The following SLC4A7 variants were observed in gnomAD, a reference collection of about 807,000 sequenced individuals.
SLC4A7 encodes solute carrier family 4 member 7.
Under a neutral mutation model 137.6 loss-of-function variants are expected in SLC4A7, and 51 were observed. That is an observed-to-expected ratio of 0.37 (90% CI 0.30 to 0.47). SLC4A7 has a LOEUF of 0.47. Ranked by LOEUF, SLC4A7 falls within the 20% of genes least tolerant of loss-of-function variation. SLC4A7 has a pLI of 1.00. For synonymous variants in SLC4A7, 542 were observed against 518.6 expected (o/e 1.05, Z -0.61); for missense variants, 1,247 against 1,525.4 (o/e 0.82, Z 3.04).
chr3:27,422,557 C>T (rs1295334109), intron 8 of SLC4A7, among the ~76,000 whole-genome samples: 2 of 152,172 alleles, frequency 1.3e-5, no homozygotes, highest in Admixed American at 1.3e-4. Context: ...GCATGAATTA[C>T]TATGCCTGGC....
At chr3:27,421,865 G>A in intron 8 of SLC4A7, 86 bp from the exon 9 acceptor site, 1 of 945,266 alleles carries the variant, frequency 1.1e-6, no homozygotes, top group Non-Finnish European at 1.6e-6. Context: ...TGCTTTATAA[G>A]ACTACTATTT....
intron 11 of SLC4A7, among the ~76,000 whole-genome samples, chr3:27,416,980 A>ATT (rs1412336175): frequency 3.3e-5 from 5 of 152,194 alleles, no homozygotes; most frequent in Non-Finnish European, 7.3e-5. Context: ...TAGAAAGCTG[A>ATT]TTTTAAAGCC....
chr3:27,379,292 A>G lies in SLC4A7; in HGVS notation c.3655T>C (p.Ser1219Pro), dbSNP rs764970063. The G allele has an allele frequency of 1.3e-6, 2 of 1,535,596 alleles. No homozygotes were observed. The highest frequency in any genetic ancestry group is 2.0e-5 in the Admixed American group (1 of 50,990). The stretch of plus-strand genomic sequence containing the variant: ...ACTTTGGCATTCTCAGTATTCATGG[A>G]AAGTGCCTTCCACTGTGCAGTTTTG... ...MAKTAQWKALSMNTENAKVTR... is the reference protein window; with the variant it reads ...MAKTAQWKALPMNTENAKVTR... The change falls in exon 25 of 26, where the codon TCC (serine) becomes CCC (proline). Residue 1219 changes from serine to proline, a missense_variant. This residue lies in a region of SLC4A7 where 290 missense variants were observed against 323.8 expected (regional missense o/e 0.90). Coordinates refer to ENST00000454389, the MANE Select transcript of SLC4A7 (RefSeq NM_001321103.2).
At chr3:27,413,758 G>T (rs1158609854) in intron 11 of SLC4A7, among the ~76,000 whole-genome samples, 1 of 152,038 alleles carries the variant, frequency 6.6e-6, no homozygotes, top group Admixed American at 6.6e-5. Flanking sequence ...TTACTTAATG[G>T]GAGAAATACT....
At chr3:27,429,686 C>A (rs2056065474) in intron 7 of SLC4A7, among the ~76,000 whole-genome samples, 1 of 151,954 alleles carries the variant, frequency 6.6e-6, no homozygotes, top group African/African-American at 2.4e-5. Context: ...CCCGTCTCTA[C>A]TAAAAATACA....
In SLC4A7 at chr3:27,400,884, T is replaced by C. The variant is rs765604449; in HGVS notation, c.2322-15A>G. 1.5e-6 allele frequency: 2 copies of C among 1,361,342 alleles called. No homozygotes were observed. The highest frequency in any genetic ancestry group is 2.1e-6 in the Non-Finnish European group (2 of 959,202). 84.3% of individuals were successfully genotyped at this position (1,361,342 alleles called of 1,614,324 possible). On this transcript the variant is annotated splice_polypyrimidine_tract_variant and intron_variant, in intron 15 of 25. Coordinates refer to ENST00000454389, the MANE Select transcript of SLC4A7 (RefSeq NM_001321103.2). ...TACATACACATCTGAGAAATTAGAGTAGGATACATTTTTAAGGATCCTGAA... is the reference window on the plus strand; with the variant it reads ...TACATACACATCTGAGAAATTAGAGCAGGATACATTTTTAAGGATCCTGAA...
chr3:27,481,683 T>C (rs79841470), intron 1 of SLC4A7, among the ~76,000 whole-genome samples: 3,276 of 152,332 alleles, frequency 0.022, 117 homozygotes, highest in African/African-American at 0.075. Context: ...CTGTATTTGA[T>C]TTCTATTATT....
Position 27,418,061 on chromosome 3 carries a change from TAGC to T in SLC4A7, c.1659+422_1659+424del, listed in dbSNP as rs1231053842. ...TGATATTGTCATGCATGGTTTGAAA[TAGC>T]AAAAGACTGGTAACATCAGAACCCA... On this transcript the variant is annotated intron_variant, in intron 11 of 25. Transcript: ENST00000454389. Among the ~76,000 whole-genome samples, 3 of 152,082 alleles carry T rather than the reference TAGC, an allele frequency of 2.0e-5. No individual in the cohort carries two copies. The East Asian group carries it at 5.8e-4, about 29-fold the overall frequency.
intron 13 of SLC4A7, among the ~76,000 whole-genome samples, chr3:27,408,375 C>T (rs545204339): frequency 5.7e-4 from 86 of 152,166 alleles, no homozygotes; most frequent in Non-Finnish European, 1.1e-3. Flanking sequence ...TGTGACAGCA[C>T]ATAAAGCAAC....
At position 27,375,890 on chromosome 3, in the gene SLC4A7, G is replaced by A. The variant is rs932406458; in HGVS notation, c.*874C>T. 6.6e-6 allele frequency: 1 copy of A among 151,974 alleles called. No homozygotes were observed. The highest frequency in any genetic ancestry group is 2.4e-5 in the African/African-American group (1 of 41,416). 9.4% of individuals were successfully genotyped at this position (151,974 alleles called of 1,614,324 possible). A position where few individuals can be genotyped will look rare whatever the true frequency, so the allele number is the denominator to read the frequency against. The stretch of plus-strand genomic sequence containing the variant: ...GCCTACTACTTATAAGAGAATAATA[G>A]TCAAGAACTTGAACCTGATGGAAAC... On this transcript the variant is annotated 3_prime_UTR_variant, in exon 26 of 26. Coordinates refer to ENST00000454389, the MANE Select transcript of SLC4A7 (RefSeq NM_001321103.2).
chr3:27,403,459 G>T, intron 14 of SLC4A7, 75 bp from the exon 15 acceptor site: 1 of 965,678 alleles, frequency 1.0e-6, no homozygotes, highest in Non-Finnish European at 1.5e-6. Context: ...TTCATTGCAA[G>T]CAATGGGAAC....
intron 1 of SLC4A7, among the ~76,000 whole-genome samples, chr3:27,481,177 A>C (rs561065917): frequency 1.2e-3 from 185 of 152,324 alleles, no homozygotes; most frequent in Non-Finnish European, 2.1e-3. Context: ...ACAACAACAA[A>C]AAAAGACTCA....
intron 13 of SLC4A7, among the ~76,000 whole-genome samples, chr3:27,408,965 A>T (rs944437839): frequency 6.6e-6 from 1 of 152,182 alleles, no homozygotes; most frequent in Non-Finnish European, 1.5e-5. Flanking sequence ...TGTGGCTCTA[A>T]CTAATCCTAT....
intron 1 of SLC4A7, among the ~76,000 whole-genome samples, chr3:27,464,668 G>A (rs971305520): frequency 5.9e-5 from 9 of 152,024 alleles, no homozygotes; most frequent in African/African-American, 9.7e-5. Context: ...ACTCCCGCCT[G>A]GGCAACAGAG....
At chr3:27,437,547 C>A in intron 3 of SLC4A7, 21 bp from the exon 4 acceptor site, 1 of 1,478,958 alleles carries the variant, frequency 6.8e-7, no homozygotes, top group South Asian at 1.4e-5. Context: ...TAAGAATTTA[C>A]ATATACTCAA....
intron 22 of SLC4A7, among the ~76,000 whole-genome samples, chr3:27,388,836 TTACATAA>T: frequency 8.8e-6 from 1 of 113,216 alleles, no homozygotes; most frequent in Non-Finnish European, 2.4e-5. Flanking sequence ...ATCAATAAGA[TTACATAA>T]GTACCCACAT....
intron 25 of SLC4A7, among the ~76,000 whole-genome samples, chr3:27,377,370 A>T (rs1182613106): frequency 6.6e-6 from 1 of 152,168 alleles, no homozygotes; most frequent in Non-Finnish European, 1.5e-5. Context: ...TTCTACATAT[A>T]TATAGAACAA....
chr3:27,466,724 G>A (rs2059020195), intron 1 of SLC4A7, among the ~76,000 whole-genome samples: 1 of 152,046 alleles, frequency 6.6e-6, no homozygotes, highest in South Asian at 2.1e-4. Context: ...CCGCGTGCTG[G>A]TGCGCGCCTG....
chr3:27,467,975 T>A (rs2059078671), intron 1 of SLC4A7, among the ~76,000 whole-genome samples: 1 of 152,246 alleles, frequency 6.6e-6, no homozygotes, highest in Non-Finnish European at 1.5e-5. Flanking sequence ...TATAGTAGAA[T>A]AGTATTCAGA....
Sources: gnomAD v4.1 joint callset for allele counts (sites outside exome capture counted in the v4.1 genomes callset) on GRCh38, gnomAD v4.1.1 for gene constraint, gnomAD v4.1.1 regional missense constraint, MANE v1.5 for transcripts, NCBI Gene and HGNC (gene_info 2026-07-23, HGNC 2026-07-21) for gene names.